OLAH: variants seen among roughly 807,000 people sequenced by gnomAD.
OLAH encodes the protein oleoyl-ACP hydrolase, also known as S-acyl fatty acid synthase thioesterase, medium chain.
OLAH carries 33 observed loss-of-function variants against 27.8 expected under a neutral mutation model. The ratio of observed to expected loss-of-function variants is 1.19; its 90% CI spans 0.90 to 1.59. OLAH has a LOEUF of 1.59. Among genes scored for constraint, OLAH ranks in the 40% most tolerant of loss-of-function variants. OLAH has a pLI of 0.00. For synonymous variants in OLAH, 120 were observed against 102.9 expected (o/e 1.17, Z -1.01); for missense variants, 359 against 310.8 (o/e 1.16, Z -1.17).
upstream of OLAH, among the ~76,000 whole-genome samples, chr10:15,039,597 C>T (rs1008011950): frequency 2.0e-5 from 3 of 152,064 alleles, no homozygotes; most frequent in African/African-American, 7.2e-5. Context: ...GAGAAGATTG[C>T]ATTTGTAGGC....
intron 3 of OLAH, among the ~76,000 whole-genome samples, chr10:15,051,538 T>A (rs1844143036): frequency 6.6e-6 from 1 of 152,212 alleles, no homozygotes; most frequent in Non-Finnish European, 1.5e-5. Context: ...TCTTGGGCAA[T>A]TTTTGAAGAT....
At chr10:15,037,188 C>T (rs913024691) in intron 1 of OLAH, among the ~76,000 whole-genome samples, 2 of 151,586 alleles carry the variant, frequency 1.3e-5, no homozygotes, top group Non-Finnish European at 2.9e-5. Flanking sequence ...GTAAATCCGA[C>T]AGTAACCACT....
chr10:15,073,012 A>C, intron 7 of OLAH, 75 bp from the exon 8 acceptor site: 1 of 1,430,658 alleles, frequency 7.0e-7, no homozygotes, highest in Non-Finnish European at 9.7e-7. Context: ...GTCAGCTCTT[A>C]AAGAAATGAT....
rs1844254354 is a variant in OLAH at position 15,056,824 on chromosome 10, A to G, written c.164-4900A>G. On this transcript the variant is annotated intron_variant, in intron 3 of 7. Transcript: ENST00000378228. ...TTTATTTTATTTTATTTTTTTGTAG[A>G]GACAGCATCTCACCATGTTGCCAAG... 5.4e-6 allele frequency: 8 copies of G among 1,484,552 alleles called. No individual in the cohort carries two copies. The South Asian group carries it at 9.2e-5, about 17-fold the overall frequency. The allele number at this position is 1,484,552 out of a possible 1,614,324, so 92.0% of individuals were successfully genotyped here. A position where few individuals can be genotyped will look rare whatever the true frequency, so the allele number is the denominator to read the frequency against.
Position 15,037,549 on chromosome 10 carries a change from C to T in OLAH, c.-164+5199C>T, listed in dbSNP as rs1843859895. On this transcript the variant is annotated intron_variant, in intron 1 of 3. Transcript: ENST00000413672. ...TGAGCCAAGATTGCACCACTGCACG[C>T]CAGGCTGGGTGACAGAGCGAGACTC... 3.4e-5 allele frequency among the ~76,000 whole-genome samples: 5 copies of T among 148,050 alleles called. No homozygotes were observed. The South Asian group carries it at 1.1e-3, about 32-fold the overall frequency.
At chr10:15,061,984 T>G in intron 4 of OLAH, 122 bp downstream of exon 4, 1 of 853,430 alleles carries the variant, frequency 1.2e-6, no homozygotes, top group Non-Finnish European at 1.7e-6. Context: ...GCATGTTAGG[T>G]AATTATGGCC....
chr10:15,057,689 G>T (rs1419544914), intron 3 of OLAH, among the ~76,000 whole-genome samples: 1 of 151,982 alleles, frequency 6.6e-6, no homozygotes, highest in Admixed American at 6.6e-5. Flanking sequence ...CCTGGGCCGG[G>T]TTCTCTATTC....
chr10:15,041,080 G>A (rs1355470098), upstream of OLAH, among the ~76,000 whole-genome samples: 1 of 152,164 alleles, frequency 6.6e-6, no homozygotes, highest in East Asian at 1.9e-4. Context: ...TGACTAGAGT[G>A]GGTGCAGCCC....
At chr10:15,061,595 T>A (rs1844364453) in intron 3 of OLAH, 129 bp from the exon 4 acceptor site, 3 of 802,422 alleles carry the variant, frequency 3.7e-6, no homozygotes, top group Middle Eastern at 5.0e-4. Flanking sequence ...AACTTTTACC[T>A]TGCTGGACTT....
At chr10:15,070,886 A>T (rs1844571426) in intron 6 of OLAH, among the ~76,000 whole-genome samples, 1 of 151,184 alleles carries the variant, frequency 6.6e-6, no homozygotes, top group Admixed American at 6.6e-5. Flanking sequence ...CCTGGGCTCA[A>T]GTGATCCTCC....
At chr10:15,059,439 G>A (rs1293086634) in intron 3 of OLAH, among the ~76,000 whole-genome samples, 6 of 151,518 alleles carry the variant, frequency 4.0e-5, no homozygotes, top group Non-Finnish European at 5.9e-5. Context: ...CTTCAGCCTC[G>A]GCCTCCCAAA....
At chr10:15,036,595 C>T (rs1843843819) in intron 1 of OLAH, among the ~76,000 whole-genome samples, 1 of 152,102 alleles carries the variant, frequency 6.6e-6, no homozygotes, top group African/African-American at 2.4e-5. Flanking sequence ...CTCAAGACAT[C>T]CTCCCCTCCT....
intron 6 of OLAH, 93 bp from the exon 7 acceptor site, chr10:15,071,702 A>C: frequency 1.4e-6 from 2 of 1,460,146 alleles, no homozygotes; most frequent in Non-Finnish European, 1.9e-6. Context: ...AAAAGAAGTG[A>C]ACCCACCCCA....
chr10:15,032,456 A>ACC (rs1554811515), intron 1 of OLAH: 1 of 113,226 alleles, frequency 8.8e-6, no homozygotes, highest in African/African-American at 3.0e-5. Flanking sequence ...TACTAAAAAT[A>ACC]CAAAAAAAAA....
upstream of OLAH, among the ~76,000 whole-genome samples, chr10:15,041,258 A>C (rs1589236020): frequency 6.7e-6 from 1 of 150,154 alleles, no homozygotes; most frequent in South Asian, 2.1e-4. Context: ...GGCATTCCAC[A>C]CCTTTTTTTA....
chr10:15,067,578 T>G (rs976382330), intron 6 of OLAH, among the ~76,000 whole-genome samples: 1 of 152,184 alleles, frequency 6.6e-6, no homozygotes, highest in African/African-American at 2.4e-5. Flanking sequence ...CATGGGGATA[T>G]TCTACTCACA....
chr10:15,034,417 G>A (rs1006828356), intron 1 of OLAH, among the ~76,000 whole-genome samples: 5 of 152,086 alleles, frequency 3.3e-5, no homozygotes, highest in African/African-American at 1.2e-4. Flanking sequence ...ACAGGAGTAA[G>A]CCACTGCACC....
rs77356311 is a variant in OLAH, at chr10:15,064,488, G to A, written c.388G>A (p.Ala130Thr). The A allele has an allele frequency of 3.1e-6, 5 of 1,588,990 alleles. No homozygotes were observed. The East Asian group carries it at 1.2e-4, about 37-fold the overall frequency. ...PEPLHLFLSS[A>T]TPVHSKAWHR... The stretch of plus-strand genomic sequence containing the variant: ...ACCATTGCATTTATTTTTGTCAAGT[G>A]CAACTCCTGTACATGTAAGTAATTT... The change falls in exon 5 of 8, where the codon GCA (alanine) becomes ACA (threonine). Residue 130 changes from alanine to threonine, a missense_variant. Physicochemically the swap from Ala to Thr is moderately conservative, Grantham distance 58. Coordinates refer to ENST00000378228, the MANE Select transcript of OLAH (RefSeq NM_001039702.3).
At chr10:15,066,489 G>T (rs1844469207) in intron 6 of OLAH, among the ~76,000 whole-genome samples, 1 of 152,020 alleles carries the variant, frequency 6.6e-6, no homozygotes, top group Admixed American at 6.6e-5. Context: ...TAAGTTCTAT[G>T]AATATCTCTC....
Sources: allele counts gnomAD v4.1 joint callset (sites outside exome capture counted in the v4.1 genomes callset), GRCh38; gene constraint gnomAD v4.1.1; transcripts MANE v1.5; gene names NCBI Gene and HGNC (gene_info 2026-07-23, HGNC 2026-07-21).